Variants in MINDY2 observed in about 807,000 individuals in gnomAD.
The protein encoded by MINDY2 is ubiquitin carboxyl-terminal hydrolase MINDY-2.
A neutral mutation model predicts 68.2 loss-of-function variants in MINDY2; 52 were observed. The observed-to-expected ratio is 0.76, with a 90% CI of 0.61 to 0.96. The LOEUF (loss-of-function observed/expected upper bound fraction) is 0.96. Ranked by LOEUF, MINDY2 falls within the 40% of genes least tolerant of loss-of-function variation. The pLI is 0.00. For synonymous variants in MINDY2, 372 were observed against 303.0 expected (o/e 1.23, Z -2.36); for missense variants, 881 against 773.4 (o/e 1.14, Z -1.65).
intron 7 of MINDY2, among the ~76,000 whole-genome samples, chr15:58,850,729 C>CA (rs2032769481): frequency 6.6e-6 from 1 of 151,904 alleles, no homozygotes; most frequent in African/African-American, 2.4e-5. Flanking sequence ...GGACCATGGG[C>CA]ATGCATCACC....
intron 1 of MINDY2, among the ~76,000 whole-genome samples, chr15:58,786,581 TCTTTA>T (rs1901517581): frequency 6.6e-6 from 1 of 152,202 alleles, no homozygotes; most frequent in Non-Finnish European, 1.5e-5. Flanking sequence ...CTATAACGTA[TCTTTA>T]CTTTTAACCT....
At chr15:58,809,134 C>G (rs577707547) in intron 3 of MINDY2, among the ~76,000 whole-genome samples, 1 of 152,232 alleles carries the variant, frequency 6.6e-6, no homozygotes, top group South Asian at 2.1e-4. Context: ...ATCACTTGAG[C>G]CCAGGAGTTT....
chr15:58,785,208 A>G (rs1901414812), intron 1 of MINDY2, among the ~76,000 whole-genome samples: 1 of 151,418 alleles, frequency 6.6e-6, no homozygotes, highest in African/African-American at 2.4e-5. Flanking sequence ...AATAATTAAG[A>G]TCTGTGGATG....
intron 4 of MINDY2, among the ~76,000 whole-genome samples, chr15:58,810,632 C>T (rs1461608918): frequency 6.6e-6 from 1 of 152,102 alleles, no homozygotes; most frequent in African/African-American, 2.4e-5. Flanking sequence ...AGAAGACCAC[C>T]CGTACTTCTC....
Position 58,859,177 on chromosome 15 carries a change from A to G in MINDY2, c.*4567A>G, listed in dbSNP as rs2033146906. 6.6e-6 allele frequency: 1 copy of G among 152,072 alleles called. No homozygotes were observed. The highest frequency in any genetic ancestry group is 1.5e-5 in the Non-Finnish European group (1 of 67,984). 9.4% of individuals were successfully genotyped at this position (152,072 alleles called of 1,614,324 possible). On this transcript the variant is annotated 3_prime_UTR_variant, in exon 9 of 9. Transcript: ENST00000559228. Reference sequence around the variant, plus strand: ...CATTTTACAGTTTTTTGTGTGTTCTATAGACTATAGAGTCAAAATCAAGAG... The same window carrying G: ...CATTTTACAGTTTTTTGTGTGTTCTGTAGACTATAGAGTCAAAATCAAGAG...
intron 1 of MINDY2, among the ~76,000 whole-genome samples, chr15:58,780,963 G>A (rs1187375559): frequency 1.3e-5 from 2 of 152,122 alleles, no homozygotes; most frequent in Non-Finnish European, 2.9e-5. Context: ...ATCAATTTTT[G>A]AGGGGGGAGA....
intron 5 of MINDY2, among the ~76,000 whole-genome samples, chr15:58,827,603 A>G (rs2031477515): frequency 6.6e-6 from 1 of 152,038 alleles, no homozygotes; most frequent in Non-Finnish European, 1.5e-5. Flanking sequence ...AGCTGAGACT[A>G]CAGGCGCCCG....
intron 1 of MINDY2, among the ~76,000 whole-genome samples, chr15:58,778,979 C>G (rs1345314710): frequency 6.6e-6 from 1 of 151,758 alleles, no homozygotes; most frequent in East Asian, 1.9e-4. Flanking sequence ...CCAGGCTGTT[C>G]TTGAACTCCT....
intron 1 of MINDY2, 97 bp from the exon 2 acceptor site, chr15:58,787,809 T>C: frequency 1.5e-6 from 1 of 682,200 alleles, no homozygotes; most frequent in Non-Finnish European, 2.4e-6. Context: ...GTATAGTAGA[T>C]ACATAATTAG....
At position 58,777,539 on chromosome 15, in the gene MINDY2, C is replaced by T. The variant is rs141001045; in HGVS notation, c.840+5304C>T. Among the ~76,000 whole-genome samples the T allele has an allele frequency of 1.8e-4, 28 of 151,838 alleles. No individual in the cohort carries two copies. The East Asian group carries it at 2.7e-3, about 15-fold the overall frequency. On this transcript the variant is annotated intron_variant, in intron 1 of 8. Transcript: ENST00000559228. Reference sequence around the variant, plus strand: ...CTGGAATCCTAGCACTTTGGGAGGCCGAGGCCAGAGGATCAGTTGAGCCCA... The same window carrying T: ...CTGGAATCCTAGCACTTTGGGAGGCTGAGGCCAGAGGATCAGTTGAGCCCA...
chr15:58,771,625 G>A lies in MINDY2; in HGVS notation c.230G>A (p.Gly77Glu). 2 of 1,612,368 alleles carry A rather than the reference G, an allele frequency of 1.2e-6. No individual in the cohort carries two copies. Among genetic ancestry groups the A allele is most frequent in the Non-Finnish European group, 1.7e-6 (2 of 1,179,864 alleles). ...CCCGCGGGCTCTCCTGAGGTTCCCGGACCCTGCAGCTCCTCCGCGGGTTTG... is the reference window on the plus strand; with the variant it reads ...CCCGCGGGCTCTCCTGAGGTTCCCGAACCCTGCAGCTCCTCCGCGGGTTTG... Reference protein sequence around the residue: ...ASPAGSPEVPGPCSSSAGLDL... With the variant: ...ASPAGSPEVPEPCSSSAGLDL... The change falls in exon 1 of 9, where the codon GGA (glycine) becomes GAA (glutamate). Residue 77 changes from glycine (G) to glutamate (E), a missense_variant. Physicochemically the swap from Gly to Glu is moderately conservative, Grantham distance 98. Coordinates refer to ENST00000559228, the MANE Select transcript of MINDY2 (RefSeq NM_001040450.3).
intron 7 of MINDY2, among the ~76,000 whole-genome samples, chr15:58,848,815 T>G (rs1348641601): frequency 6.6e-6 from 1 of 152,218 alleles, no homozygotes; most frequent in African/African-American, 2.4e-5. Context: ...GAAAAACAGT[T>G]CTGAAAGTCG....
Position 58,810,268 on chromosome 15 carries a change from G to C in MINDY2, c.1002G>C (p.Gln334His), listed in dbSNP as rs753110926. 1.2e-6 allele frequency: 2 copies of C among 1,612,958 alleles called. No homozygotes were observed. Among genetic ancestry groups the C allele is most frequent in the South Asian group, 2.2e-5 (2 of 90,622 alleles). ...SDAMAILHKL[Q>H]TGLDVNVRFT... ...CCATGGCAATTTTGCACAAACTACA[G>C]ACAGGCCTGGATGTAAATGTAAGAT... The change falls in exon 4 of 9, where the codon CAG (glutamine) becomes CAC (histidine). Residue 334 changes from glutamine (Q) to histidine (H), a missense_variant. Gln to His is a conservative substitution (Grantham distance 24). Coordinates refer to ENST00000559228, the MANE Select transcript of MINDY2 (RefSeq NM_001040450.3).
intron 2 of MINDY2, among the ~76,000 whole-genome samples, chr15:58,795,332 C>T (rs1250544103): frequency 2.0e-5 from 3 of 152,066 alleles, no homozygotes; most frequent in African/African-American, 7.2e-5. Context: ...TCTGAGGGGC[C>T]TTTATAGACA....
chr15:58,777,140 A>G (rs141927707), intron 1 of MINDY2, among the ~76,000 whole-genome samples: 16 of 152,328 alleles, frequency 1.1e-4, no homozygotes, highest in Admixed American at 8.5e-4. Flanking sequence ...AACTATTAGC[A>G]TATCAGTTTT....
chr15:58,771,307 T>TG lies in MINDY2; in HGVS notation c.-88dup, dbSNP rs1364844245. On this transcript the variant is annotated 5_prime_UTR_variant, in exon 1 of 9. Coordinates refer to ENST00000559228, the MANE Select transcript of MINDY2 (RefSeq NM_001040450.3). The stretch of plus-strand genomic sequence containing the variant: ...GACCGAGGCCGCGCCAGGGCGCTGT[T>TG]GCTGCCAATACAGCTGTCATGGCGT... The TG allele has an allele frequency of 1.3e-6, 2 of 1,515,180 alleles. No homozygotes were observed. Among genetic ancestry groups the TG allele is most frequent in the Non-Finnish European group, 1.8e-6 (2 of 1,135,104 alleles). The allele number at this position is 1,515,180 out of a possible 1,614,324, so 93.9% of individuals were successfully genotyped here. A position where few individuals can be genotyped will look rare whatever the true frequency, so the allele number is the denominator to read the frequency against.
intron 3 of MINDY2, among the ~76,000 whole-genome samples, chr15:58,803,945 GAAAAAAAAAAAAA>G (rs34082956): frequency 2.6e-5 from 2 of 77,238 alleles, no homozygotes; most frequent in Admixed American, 1.7e-4. Flanking sequence ...CAGCTCTACT[GAAAAAAAAAAAAA>G]AAAAAAAAAA....
rs1194119346 is a variant in MINDY2 at position 58,782,596 on chromosome 15, A to G, written c.841-5310A>G. On this transcript the variant is annotated intron_variant, in intron 1 of 8. Coordinates refer to ENST00000559228, the MANE Select transcript of MINDY2 (RefSeq NM_001040450.3). ...CTTTCCTCATCGTGCTTCACTTTTC[A>G]CTGGTCACAAAGTTCTGTCAATTAT... is the stretch of plus-strand genomic sequence containing the variant. Among the ~76,000 whole-genome samples, 3 of 152,016 alleles carry G rather than the reference A, an allele frequency of 2.0e-5. No homozygotes were observed. In the East Asian group the frequency reaches 5.8e-4, roughly 29 times the overall value.
intron 7 of MINDY2, among the ~76,000 whole-genome samples, chr15:58,850,911 G>A (rs2032778979): frequency 6.6e-6 from 1 of 151,836 alleles, no homozygotes; most frequent in African/African-American, 2.4e-5. Flanking sequence ...GTTTGGTTTT[G>A]TTTTTAGCTT....
Sources: allele counts gnomAD v4.1 joint callset (sites outside exome capture counted in the v4.1 genomes callset), GRCh38; gene constraint gnomAD v4.1.1; transcripts MANE v1.5; gene names NCBI Gene and HGNC (gene_info 2026-07-23, HGNC 2026-07-21).